The following ROBO2 variants were observed in gnomAD, a reference collection of about 807,000 sequenced individuals.
ROBO2 encodes roundabout homolog 2.
A neutral mutation model predicts 160.8 loss-of-function variants in ROBO2; 53 were observed. That is an observed-to-expected ratio of 0.33 (90% CI 0.26 to 0.41). The LOEUF (loss-of-function observed/expected upper bound fraction) is 0.41. ROBO2 is among the 10% of genes least tolerant of loss of function. The pLI is 1.00. For synonymous variants in ROBO2, 664 were observed against 611.7 expected (o/e 1.09, Z -1.26); for missense variants, 1,577 against 1,722.4 (o/e 0.92, Z 1.49).
intron 2 of ROBO2, among the ~76,000 whole-genome samples, chr3:76,931,524 C>A (rs2324700): frequency 0.028 from 4,131 of 149,718 alleles, 167 homozygotes; most frequent in African/African-American, 0.096. Context: ...AACTATTATA[C>A]CACTATGACT....
Position 76,089,751 on chromosome 3 carries a change from C to T in ROBO2, c.109+152149C>T, listed in dbSNP as rs750919321. Among the ~76,000 whole-genome samples, 138 of 152,082 alleles carry T rather than the reference C, an allele frequency of 9.1e-4. 3 individuals are homozygous for T. The highest frequency in any genetic ancestry group is 4.6e-4 in the Non-Finnish European group (31 of 68,010). On this transcript the variant is annotated intron_variant, in intron 2 of 26. Transcript: ENST00000487694. ...ATACGTAACAGTGAGAAACTCAAAG[C>T]TTCCTCATTAAGATCAGGAACAATG...
At chr3:77,494,762 G>A (rs2086578531) in intron 5 of ROBO2, among the ~76,000 whole-genome samples, 1 of 149,418 alleles carries the variant, frequency 6.7e-6, no homozygotes, top group Non-Finnish European at 1.5e-5. Flanking sequence ...GATATGATTG[G>A]ATACTTTACT....
chr3:77,091,980 A>AAAATAAATAAAT (rs147580308), intron 1 of ROBO2: 64 of 143,780 alleles, frequency 4.5e-4, no homozygotes, highest in Admixed American at 1.6e-3. Flanking sequence ...TCTCTGACTC[A>AAAATAAATAAAT]AAATAAATAA....
At chr3:77,119,140 G>A (rs976358855) in intron 2 of ROBO2, among the ~76,000 whole-genome samples, 1 of 152,160 alleles carries the variant, frequency 6.6e-6, no homozygotes, top group Admixed American at 6.5e-5. Context: ...TGAAGAAGGT[G>A]CTTGCTTCTC....
chr3:76,993,435 A>G (rs539323341), intron 2 of ROBO2, among the ~76,000 whole-genome samples: 2 of 152,314 alleles, frequency 1.3e-5, no homozygotes, highest in African/African-American at 4.8e-5. Context: ...CTAGATCACT[A>G]TCCCCAAAAT....
chr3:76,466,915 C>T (rs2078394608), intron 2 of ROBO2, among the ~76,000 whole-genome samples: 1 of 151,912 alleles, frequency 6.6e-6, no homozygotes, highest in African/African-American at 2.4e-5. Context: ...TGTACAGATA[C>T]AAATTTGTTT....
chr3:77,243,739 A>G (rs2089354863), intron 2 of ROBO2, among the ~76,000 whole-genome samples: 1 of 152,216 alleles, frequency 6.6e-6, no homozygotes, highest in South Asian at 2.1e-4. Flanking sequence ...TCTAAGTTTC[A>G]GTGTTATGAT....
At chr3:77,127,411 C>T (rs986394062) in intron 2 of ROBO2, among the ~76,000 whole-genome samples, 1 of 152,118 alleles carries the variant, frequency 6.6e-6, no homozygotes, top group African/African-American at 2.4e-5. Flanking sequence ...ACCACCATGT[C>T]TTTTATTATA....
At chr3:76,276,572 T>C (rs1707936457) in intron 2 of ROBO2, among the ~76,000 whole-genome samples, 1 of 152,102 alleles carries the variant, frequency 6.6e-6, no homozygotes, top group Non-Finnish European at 1.5e-5. Context: ...AATTCATTTG[T>C]TTAAAACTAC....
At chr3:76,048,152 A>G (rs577805129) in intron 2 of ROBO2, among the ~76,000 whole-genome samples, 1 of 152,230 alleles carries the variant, frequency 6.6e-6, no homozygotes, top group South Asian at 2.1e-4. Context: ...AGTGGAGTAA[A>G]TTGTTTGCAT....
intron 2 of ROBO2, among the ~76,000 whole-genome samples, chr3:76,587,987 C>T (rs1427771691): frequency 1.3e-5 from 2 of 152,098 alleles, no homozygotes; most frequent in African/African-American, 2.4e-5. Flanking sequence ...ACTTTATTTA[C>T]TTCACAGAGT....
chr3:76,373,741 C>CA (rs1052793488), intron 2 of ROBO2, among the ~76,000 whole-genome samples: 14 of 152,054 alleles, frequency 9.2e-5, no homozygotes, highest in Admixed American at 3.3e-4. Context: ...AAACCACCCA[C>CA]AAAGTTGGTG....
intron 2 of ROBO2, among the ~76,000 whole-genome samples, chr3:76,562,322 C>T (rs1471711399): frequency 2.0e-5 from 3 of 151,880 alleles, no homozygotes; most frequent in Non-Finnish European, 4.4e-5. Flanking sequence ...CAGATAGTAA[C>T]AGCCAATAAT....
chr3:77,065,269 A>G (rs1559934742), intron 1 of ROBO2, among the ~76,000 whole-genome samples: 1 of 152,202 alleles, frequency 6.6e-6, no homozygotes, highest in African/African-American at 2.4e-5. Flanking sequence ...GTTTTAAATA[A>G]CAGAGTCAGT....
At chr3:76,361,661 G>A (rs1438525841) in intron 2 of ROBO2, among the ~76,000 whole-genome samples, 1 of 152,072 alleles carries the variant, frequency 6.6e-6, no homozygotes, top group Admixed American at 6.6e-5. Flanking sequence ...AATATAGTAA[G>A]AGAAATGCAT....
rs777306852 is a variant in ROBO2 at position 77,588,748 on chromosome 3, T to C, written c.2501-3T>C. 1 of 1,612,850 alleles carries C rather than the reference T, an allele frequency of 6.2e-7. No homozygotes were observed. The highest frequency in any genetic ancestry group is 1.1e-5 in the South Asian group (1 of 91,042). On this transcript the variant is annotated splice_polypyrimidine_tract_variant and splice_region_variant and intron_variant, in intron 16 of 25. Coordinates refer to ENST00000461745, the Ensembl canonical transcript of ROBO2. The stretch of plus-strand genomic sequence containing the variant: ...TATACTAATACTATGGTTTTTTCCA[T>C]AGGGAGACGCAATGAAGTTGTCATT...
intron 2 of ROBO2, among the ~76,000 whole-genome samples, chr3:76,299,060 G>T (rs560360652): frequency 6.6e-6 from 1 of 152,220 alleles, no homozygotes; most frequent in Non-Finnish European, 1.5e-5. Context: ...CCAATATTCA[G>T]GTGCCTTACA....
chr3:77,399,108 T>C lies in ROBO2; in HGVS notation c.389-78306T>C, dbSNP rs553564858. ...TGCCAAGTTTGATTTTTTAAAAATA[T>C]ATTTTCCTTCTTTCAGTTCTCATTA... On this transcript the variant is annotated intron_variant, in intron 2 of 25. Coordinates refer to ENST00000461745, the Ensembl canonical transcript of ROBO2. Among the ~76,000 whole-genome samples, 4 of 152,336 alleles carry C rather than the reference T, an allele frequency of 2.6e-5. No individual in the cohort carries two copies. The East Asian group carries it at 7.7e-4, about 29-fold the overall frequency.
At chr3:76,545,587 A>C (rs1030778073) in intron 2 of ROBO2, among the ~76,000 whole-genome samples, 1 of 151,958 alleles carries the variant, frequency 6.6e-6, no homozygotes, top group Admixed American at 6.6e-5. Flanking sequence ...TGTTCTAATC[A>C]TGTTCAGTTA....
Sources: allele counts gnomAD v4.1 joint callset (sites outside exome capture counted in the v4.1 genomes callset), GRCh38; gene constraint gnomAD v4.1.1; transcripts MANE v1.5; gene names NCBI Gene and HGNC (gene_info 2026-07-23, HGNC 2026-07-21).